The following GRK5 variants were observed in gnomAD, a reference collection of about 807,000 sequenced individuals.
GRK5 encodes the protein G protein-coupled receptor kinase 5.
In GRK5, 40 loss-of-function variants were observed where a neutral mutation model predicts 78.4. The ratio of observed to expected loss-of-function variants is 0.51; its 90% CI spans 0.40 to 0.66. The LOEUF (loss-of-function observed/expected upper bound fraction) is 0.66, where lower values mean the gene tolerates loss of function less well. Among genes scored for constraint, GRK5 ranks in the 30% least tolerant of loss-of-function variants. GRK5 has a pLI of 0.00. For missense variants in GRK5, 598 were observed against 759.9 expected, an observed-to-expected ratio of 0.79 and a Z score of 2.50; for synonymous variants, 289 against 296.8, an observed-to-expected ratio of 0.97 and a Z score of 0.27.
chr10:119,245,263 C>A (rs1401818061), intron 1 of GRK5, among the ~76,000 whole-genome samples: 3 of 151,744 alleles, frequency 2.0e-5, no homozygotes, highest in Non-Finnish European at 4.4e-5. Context: ...GGCGACAGAG[C>A]AAGACTCTTT....
intron 8 of GRK5, among the ~76,000 whole-genome samples, chr10:119,436,245 T>G (rs1343774492): frequency 6.6e-6 from 1 of 152,246 alleles, no homozygotes; most frequent in Non-Finnish European, 1.5e-5. Context: ...TCACCCTTAC[T>G]TGGCCCTGTG....
chr10:119,444,434 C>T (rs1853103425), intron 12 of GRK5, among the ~76,000 whole-genome samples: 1 of 152,176 alleles, frequency 6.6e-6, no homozygotes, highest in African/African-American at 2.4e-5. Flanking sequence ...CACTGGGCCG[C>T]CCCATGCCGG....
At chr10:119,355,950 C>T (rs1482179385) in intron 2 of GRK5, among the ~76,000 whole-genome samples, 6 of 152,196 alleles carry the variant, frequency 3.9e-5, no homozygotes, top group East Asian at 3.9e-4. Context: ...GAGAAACAAC[C>T]GATGCTATAT....
intron 1 of GRK5, among the ~76,000 whole-genome samples, chr10:119,209,427 GGA>G (rs1848444547): frequency 6.6e-6 from 1 of 151,276 alleles, no homozygotes; most frequent in African/African-American, 2.4e-5. Flanking sequence ...TAAATTTTTA[GGA>G]GAGGCTTGTT....
At chr10:119,291,494 G>A (rs1341884467) in intron 1 of GRK5, among the ~76,000 whole-genome samples, 1 of 144,398 alleles carries the variant, frequency 6.9e-6, no homozygotes, top group African/African-American at 2.6e-5. Context: ...AGCCAGGAAG[G>A]AACTGCTGCT....
intron 2 of GRK5, among the ~76,000 whole-genome samples, chr10:119,346,113 T>C (rs1564899479): frequency 6.6e-6 from 1 of 152,000 alleles, no homozygotes; most frequent in Non-Finnish European, 1.5e-5. Flanking sequence ...TGCGTGTGCC[T>C]CCTCCACCTT....
intron 1 of GRK5, among the ~76,000 whole-genome samples, chr10:119,309,221 C>T (rs1189275101): frequency 2.0e-5 from 3 of 152,232 alleles, no homozygotes; most frequent in Non-Finnish European, 4.4e-5. Flanking sequence ...TGTGCCCCCT[C>T]AGCCCCTCTT....
In GRK5 at chr10:119,452,055, T is replaced by C. The variant is rs74737489; in HGVS notation, c.1405-616T>C. ...ACCCAGGTTCATCTCTGCCCTGGCA[T>C]AGAGCAGGCCCCCAGTGCACAGCTG... On this transcript the variant is annotated intron_variant, in intron 13 of 15. Transcript: ENST00000392870. This position sits in a 1 kb window ranked among gnomAD's most constrained non-coding sequence, Gnocchi z 4.4. 4.3e-4 allele frequency among the ~76,000 whole-genome samples: 65 copies of C among 152,270 alleles called. 1 individual carries two copies. Among genetic ancestry groups the C allele is most frequent in the African/African-American group, 1.5e-3 (61 of 41,560 alleles).
chr10:119,343,759 A>G (rs1851024259), intron 2 of GRK5, among the ~76,000 whole-genome samples: 1 of 152,170 alleles, frequency 6.6e-6, no homozygotes, highest in African/African-American at 2.4e-5. Context: ...GATAGTAGGG[A>G]TCCATTGAAT....
chr10:119,351,308 C>T (rs1851181809), intron 2 of GRK5, among the ~76,000 whole-genome samples: 1 of 152,162 alleles, frequency 6.6e-6, no homozygotes, highest in South Asian at 2.1e-4. Context: ...TCTGTGTCCC[C>T]ACCCAAGTCT....
chr10:119,311,467 G>T (rs1383095816), intron 1 of GRK5, among the ~76,000 whole-genome samples: 1 of 152,052 alleles, frequency 6.6e-6, no homozygotes, highest in Non-Finnish European at 1.5e-5. Flanking sequence ...GGGGGCAGTG[G>T]GTGGGGGCAG....
In GRK5 at chr10:119,267,407, A is replaced by G. The variant is rs866183343; in HGVS notation, c.53-59109A>G. 1.9e-4 allele frequency among the ~76,000 whole-genome samples: 29 copies of G among 152,238 alleles called. No homozygotes were observed. The highest frequency in any genetic ancestry group is 7.0e-4 in the African/African-American group (29 of 41,536). On this transcript the variant is annotated intron_variant, in intron 1 of 15. Coordinates refer to ENST00000392870, the MANE Select transcript of GRK5 (RefSeq NM_005308.3). This position sits in a 1 kb window ranked among gnomAD's most constrained non-coding sequence, Gnocchi z 4.1. ...GTGTTTTGTTGTCTGGCGCTGCTTT[A>G]GATGACCCCTGCTGCTGTCAGATTG... is the stretch of plus-strand genomic sequence containing the variant.
chr10:119,387,724 C>T (rs752507379), intron 3 of GRK5, among the ~76,000 whole-genome samples: 32 of 152,196 alleles, frequency 2.1e-4, no homozygotes, highest in Admixed American at 1.0e-3. Context: ...TTGAAACCAT[C>T]TTATCTCCAC....
At chr10:119,418,895 T>C (rs1852515775) in intron 4 of GRK5, among the ~76,000 whole-genome samples, 1 of 152,054 alleles carries the variant, frequency 6.6e-6, no homozygotes, top group Non-Finnish European at 1.5e-5. Context: ...TCTACAGGCC[T>C]TGAGGCCCTC....
intron 1 of GRK5, among the ~76,000 whole-genome samples, chr10:119,288,632 C>A (rs1161264796): frequency 6.6e-6 from 1 of 152,228 alleles, no homozygotes; most frequent in Non-Finnish European, 1.5e-5. Flanking sequence ...TCTTGGCTGG[C>A]TGGAACGTGA....
chr10:119,398,611 T>G (rs754818319), intron 4 of GRK5, among the ~76,000 whole-genome samples: 2 of 152,172 alleles, frequency 1.3e-5, no homozygotes, highest in Non-Finnish European at 2.9e-5. Context: ...GCAACTAGAA[T>G]GTATTGAGGA....
intron 1 of GRK5, among the ~76,000 whole-genome samples, chr10:119,294,088 C>T (rs1375689603): frequency 2.0e-5 from 3 of 152,020 alleles, no homozygotes; most frequent in Admixed American, 6.6e-5. Context: ...TGTGAGGAGA[C>T]GCATGTGTAT....
intron 4 of GRK5, chr10:119,406,636 C>T: frequency 8.4e-6 from 2 of 238,180 alleles, no homozygotes; most frequent in Non-Finnish European, 1.4e-5. Flanking sequence ...TCCACCTTCA[C>T]TTGAGCAGAG....
intron 2 of GRK5, among the ~76,000 whole-genome samples, chr10:119,368,967 C>T (rs564702687): frequency 1.6e-4 from 25 of 152,288 alleles, no homozygotes; most frequent in African/African-American, 5.3e-4. Flanking sequence ...AGTTTGGAAG[C>T]GTGTGGCCTC....
Sources: gnomAD v4.1 joint callset for allele counts (sites outside exome capture counted in the v4.1 genomes callset) on GRCh38, gnomAD v4.1.1 for gene constraint, Gnocchi (gnomAD v3.1) non-coding constraint, MANE v1.5 for transcripts, NCBI Gene and HGNC (gene_info 2026-07-23, HGNC 2026-07-21) for gene names.